PRR16: variants seen among roughly 807,000 people sequenced by gnomAD.
PRR16 encodes protein Largen.
A neutral mutation model predicts 18.2 loss-of-function variants in PRR16; 6 were observed. The ratio of observed to expected loss-of-function variants is 0.33; its 90% CI spans 0.18 to 0.65. PRR16 has a LOEUF of 0.65. PRR16 is among the 30% of genes least tolerant of loss of function. The pLI, the probability that PRR16 is intolerant of heterozygous loss-of-function variation, is 0.74. For missense variants in PRR16, 412 were observed against 376.6 expected (o/e 1.09, Z -0.78); for synonymous variants, 151 against 147.8 (o/e 1.02, Z -0.16).
the PRR16 span, among the ~76,000 whole-genome samples, chr5:120,760,695 G>T: frequency 6.6e-6 from 1 of 152,116 alleles, no homozygotes; most frequent in African/African-American, 2.4e-5. Flanking sequence ...TGTAGAATAA[G>T]CTGCAAGGGC....
the PRR16 span, among the ~76,000 whole-genome samples, chr5:120,703,215 G>A: frequency 2.0e-5 from 3 of 152,128 alleles, no homozygotes; most frequent in African/African-American, 7.2e-5. Flanking sequence ...CCAGGAAAAG[G>A]ATTTTCACAA....
intron 1 of PRR16, among the ~76,000 whole-genome samples, chr5:120,545,905 T>A (rs914563674): frequency 6.6e-6 from 1 of 152,218 alleles, no homozygotes; most frequent in East Asian, 1.9e-4. Context: ...TATTAAGTAA[T>A]TTAAAATATA....
At chr5:120,705,183 G>A in the PRR16 span, among the ~76,000 whole-genome samples, 12,582 of 152,038 alleles carry the variant, frequency 0.083, 1,762 homozygotes, top group African/African-American at 0.28. Flanking sequence ...ATATGCTTAG[G>A]TATGAGTAAT....
chr5:120,478,938 TTAAG>T (rs2112807936), intron 1 of PRR16, among the ~76,000 whole-genome samples: 1 of 152,260 alleles, frequency 6.6e-6, no homozygotes, highest in Non-Finnish European at 1.5e-5. Flanking sequence ...TGGATATAGT[TTAAG>T]TAAGTTTTAA....
chr5:120,600,923 G>A (rs1442287222), intron 1 of PRR16, among the ~76,000 whole-genome samples: 2 of 151,784 alleles, frequency 1.3e-5, no homozygotes, highest in Admixed American at 6.6e-5. Flanking sequence ...TTATGGCTGT[G>A]TTATATTGTA....
chr5:120,716,997 AG>A, the PRR16 span, among the ~76,000 whole-genome samples: 11 of 152,310 alleles, frequency 7.2e-5, no homozygotes, highest in Admixed American at 6.5e-4. Flanking sequence ...GTGCTGGTAC[AG>A]GTTAGGAAGA....
rs149915945 is a variant in PRR16, at chr5:120,482,204, G to A, written c.159+17559G>A. Among the ~76,000 whole-genome samples the A allele has an allele frequency of 3.6e-4, 55 of 152,268 alleles. No homozygotes were observed. In the East Asian group the frequency reaches 9.6e-3, roughly 27 times the overall value. On this transcript the variant is annotated intron_variant, in intron 1 of 1. Coordinates refer to ENST00000407149, the MANE Select transcript of PRR16 (RefSeq NM_001300783.2). ...TAACATGGGTATATTGTGTGATGCT[G>A]AGGTTTGGAGTACAGTTGATCCCTT...
At chr5:120,687,490 A>G (rs1035989141), downstream of PRR16, among the ~76,000 whole-genome samples, 1 of 152,194 alleles carries the variant, frequency 6.6e-6, no homozygotes, top group Non-Finnish European at 1.5e-5. Flanking sequence ...CATATTTTAT[A>G]CTTCCATTTG....
intron 1 of PRR16, among the ~76,000 whole-genome samples, chr5:120,671,812 A>T (rs1042327587): frequency 6.6e-6 from 1 of 152,150 alleles, no homozygotes; most frequent in African/African-American, 2.4e-5. Context: ...ATGTGTGTGT[A>T]CATATATATG....
the PRR16 span, among the ~76,000 whole-genome samples, chr5:120,745,322 C>A: frequency 6.6e-6 from 1 of 152,168 alleles, no homozygotes; most frequent in Non-Finnish European, 1.5e-5. Context: ...CTGCTTTACT[C>A]CCATCCAGAA....
chr5:120,695,157 A>T, the PRR16 span, among the ~76,000 whole-genome samples: 2 of 152,162 alleles, frequency 1.3e-5, no homozygotes, highest in Admixed American at 6.5e-5. Flanking sequence ...TTATGACAAA[A>T]ATCGAGTATT....
chr5:120,601,240 T>C (rs1299586896), intron 1 of PRR16, among the ~76,000 whole-genome samples: 2 of 152,036 alleles, frequency 1.3e-5, no homozygotes, highest in Non-Finnish European at 2.9e-5. Flanking sequence ...ACATCTATTA[T>C]TTTTTGACTT....
At chr5:120,698,922 C>G in the PRR16 span, among the ~76,000 whole-genome samples, 22 of 152,090 alleles carry the variant, frequency 1.4e-4, no homozygotes, top group Admixed American at 1.0e-3. Context: ...GGTCTGTTAT[C>G]AGACTGTACA....
intron 1 of PRR16, among the ~76,000 whole-genome samples, chr5:120,574,034 C>T (rs1278204319): frequency 6.6e-6 from 1 of 151,684 alleles, no homozygotes; most frequent in Admixed American, 6.6e-5. Context: ...TTGTAGTAGA[C>T]AAATACAATT....
chr5:120,538,504 C>T (rs1440907297), intron 1 of PRR16, among the ~76,000 whole-genome samples: 2 of 152,168 alleles, frequency 1.3e-5, no homozygotes, highest in Non-Finnish European at 2.9e-5. Flanking sequence ...ACTGCAATTT[C>T]GAACTTACAA....
At chr5:120,533,961 G>A (rs1751634168) in intron 1 of PRR16, among the ~76,000 whole-genome samples, 1 of 152,172 alleles carries the variant, frequency 6.6e-6, no homozygotes, top group Non-Finnish European at 1.5e-5. Flanking sequence ...TGGAGTTCAA[G>A]GTGAATTTAA....
At chr5:120,595,296 A>G (rs1425178271) in intron 1 of PRR16, among the ~76,000 whole-genome samples, 1 of 152,000 alleles carries the variant, frequency 6.6e-6, no homozygotes, top group African/African-American at 2.4e-5. Flanking sequence ...TAGACAGTAT[A>G]TAGACATATA....
At chr5:120,570,723 A>G (rs1488302654) in intron 1 of PRR16, among the ~76,000 whole-genome samples, 1 of 152,202 alleles carries the variant, frequency 6.6e-6, no homozygotes, top group African/African-American at 2.4e-5. Context: ...CAAAATGAAC[A>G]AAGTATAAAA....
At chr5:120,697,670 G>C in the PRR16 span, among the ~76,000 whole-genome samples, 1 of 152,076 alleles carries the variant, frequency 6.6e-6, no homozygotes, top group Non-Finnish European at 1.5e-5. Context: ...TAAGGGTGGG[G>C]CCGTTTTATA....
Sources: allele counts gnomAD v4.1 joint callset (sites outside exome capture counted in the v4.1 genomes callset), GRCh38; gene constraint gnomAD v4.1.1; transcripts MANE v1.5; gene names NCBI Gene and HGNC (gene_info 2026-07-23, HGNC 2026-07-21).